The following MDFIC2 variants were observed in gnomAD, a reference collection of about 807,000 sequenced individuals.
The protein encoded by MDFIC2 is myoD family inhibitor domain-containing protein 2.
intron 2 of MDFIC2, among the ~76,000 whole-genome samples, chr3:70,207,073 C>A (rs1448769125): frequency 6.7e-6 from 1 of 148,422 alleles, no homozygotes; most frequent in African/African-American, 2.5e-5. Context: ...GAGAATCAAG[C>A]AATTCATTCA....
At chr3:70,278,413 G>A (rs1702049125) in intron 2 of MDFIC2, among the ~76,000 whole-genome samples, 2 of 152,144 alleles carry the variant, frequency 1.3e-5, no homozygotes, top group Admixed American at 1.3e-4. Flanking sequence ...AAACACTGGG[G>A]AGGAAGCCCA....
At chr3:70,261,556 G>T (rs1701867007) in intron 2 of MDFIC2, among the ~76,000 whole-genome samples, 1 of 152,044 alleles carries the variant, frequency 6.6e-6, no homozygotes. Context: ...ATCATTGCTA[G>T]TTCCAAGGTA....
Position 70,295,758 on chromosome 3 carries a change from G to T in MDFIC2, c.88+16128C>A, listed in dbSNP as rs547946461. ...AATATTTTAAAGTGCTGTATCTTTT[G>T]ATCTGTGATATCTTTTGATTCATGT... On this transcript the variant is annotated intron_variant, in intron 2 of 3. Transcript: ENST00000567252. Among the ~76,000 whole-genome samples the T allele has an allele frequency of 1.2e-3, 190 of 152,220 alleles. 2 individuals carry two copies. Among genetic ancestry groups the T allele is most frequent in the Middle Eastern group, 3.4e-3 (1 of 294 alleles).
At chr3:70,226,383 A>C (rs968666005) in intron 2 of MDFIC2, among the ~76,000 whole-genome samples, 3 of 152,166 alleles carry the variant, frequency 2.0e-5, no homozygotes, top group African/African-American at 7.2e-5. Flanking sequence ...GGAATTTCCT[A>C]TTCTGTTGGG....
At chr3:70,303,737 A>T (rs1702372828) in intron 2 of MDFIC2, among the ~76,000 whole-genome samples, 1 of 152,028 alleles carries the variant, frequency 6.6e-6, no homozygotes, top group Non-Finnish European at 1.5e-5. Flanking sequence ...GCTGAAGTGC[A>T]GTGGTGTGAT....
intron 2 of MDFIC2, among the ~76,000 whole-genome samples, chr3:70,263,642 G>A (rs1701888490): frequency 6.6e-6 from 1 of 152,192 alleles, no homozygotes; most frequent in African/African-American, 2.4e-5. Context: ...TTCAGCAAAA[G>A]ACTCAAGGGA....
chr3:70,312,545 ACTC>A lies in MDFIC2; in HGVS notation c.-1+3_-1+5del, dbSNP rs889916395. 7.2e-5 allele frequency: 11 copies of A among 152,236 alleles called. No individual in the cohort carries two copies. The highest frequency in any genetic ancestry group is 2.7e-4 in the African/African-American group (11 of 41,454). 9.4% of individuals were successfully genotyped at this position (152,236 alleles called of 1,614,324 possible). On this transcript the variant is annotated splice_donor_5th_base_variant and intron_variant, in intron 1 of 3. Transcript: ENST00000567252. ...TCTGCTTGAATCAGCACTGCAAGGTACTCACCTGTGTGTTCCAAAGGGAGGCCC... is the reference window on the plus strand; with the variant it reads ...TCTGCTTGAATCAGCACTGCAAGGTAACCTGTGTGTTCCAAAGGGAGGCCC...
At chr3:70,286,787 T>A (rs989434727) in intron 2 of MDFIC2, among the ~76,000 whole-genome samples, 8 of 152,164 alleles carry the variant, frequency 5.3e-5, no homozygotes, top group Non-Finnish European at 1.2e-4. Context: ...CCCTTATAAG[T>A]TGGATTCCTA....
intron 2 of MDFIC2, among the ~76,000 whole-genome samples, chr3:70,295,791 G>A (rs1702284515): frequency 6.6e-6 from 1 of 152,194 alleles, no homozygotes; most frequent in Admixed American, 6.5e-5. Context: ...TGTTGAATGT[G>A]TTAGGCAAAG....
intron 2 of MDFIC2, among the ~76,000 whole-genome samples, chr3:70,244,626 TG>T (rs1337050039): frequency 6.6e-6 from 1 of 152,202 alleles, no homozygotes; most frequent in Non-Finnish European, 1.5e-5. Flanking sequence ...GACAGCCAGC[TG>T]TAAGTCTCTT....
At position 70,195,109 on chromosome 3, in the gene MDFIC2, G is replaced by T. The variant is rs1352484173; in HGVS notation, c.*1817C>A. Among the ~76,000 whole-genome samples, 1 of 152,172 alleles carries T rather than the reference G, an allele frequency of 6.6e-6. No individual in the cohort carries two copies. Among genetic ancestry groups the T allele is most frequent in the Non-Finnish European group, 1.5e-5 (1 of 68,044 alleles). On this transcript the variant is annotated 3_prime_UTR_variant, in exon 4 of 4. Transcript: ENST00000567252. ...TTCCTGACACTGCCAATAATTCACT[G>T]TGTGGTCTTGAATAAGTCAGTTCAT...
chr3:70,231,166 C>T (rs191027918), intron 2 of MDFIC2, among the ~76,000 whole-genome samples: 14 of 152,308 alleles, frequency 9.2e-5, no homozygotes, highest in Admixed American at 6.5e-4. Context: ...TATTGCCTGA[C>T]AGGCTCCAGT....
At chr3:70,222,683 A>G (rs1000670804) in intron 2 of MDFIC2, among the ~76,000 whole-genome samples, 2 of 152,184 alleles carry the variant, frequency 1.3e-5, no homozygotes, top group Admixed American at 6.5e-5. Context: ...CTAATGGACT[A>G]TTCAAACCTG....
At chr3:70,221,862 G>A (rs889331010) in intron 2 of MDFIC2, among the ~76,000 whole-genome samples, 7 of 152,094 alleles carry the variant, frequency 4.6e-5, no homozygotes, top group East Asian at 1.9e-4. Flanking sequence ...AGGTTTTGTC[G>A]TTACTTTCAA....
At chr3:70,247,024 C>A (rs1238204015) in intron 2 of MDFIC2, among the ~76,000 whole-genome samples, 3 of 151,966 alleles carry the variant, frequency 2.0e-5, no homozygotes, top group Non-Finnish European at 1.5e-5. Flanking sequence ...TATCTGTTTC[C>A]ATGACTACCA....
chr3:70,303,291 A>T (rs1405393047), intron 2 of MDFIC2, among the ~76,000 whole-genome samples: 1 of 152,108 alleles, frequency 6.6e-6, no homozygotes, highest in East Asian at 1.9e-4. Flanking sequence ...TGTGTGTAGC[A>T]TTATGGTGCT....
intron 2 of MDFIC2, among the ~76,000 whole-genome samples, chr3:70,289,138 C>T (rs1282455027): frequency 6.6e-6 from 1 of 151,242 alleles, no homozygotes; most frequent in Non-Finnish European, 1.5e-5. Context: ...TTAGTTGATG[C>T]AGTTTCTTCC....
intron 2 of MDFIC2, among the ~76,000 whole-genome samples, chr3:70,296,833 T>C (rs936284383): frequency 1.3e-5 from 2 of 152,114 alleles, no homozygotes; most frequent in African/African-American, 4.8e-5. Context: ...AGTGGTTTTT[T>C]TAAAAGGCAT....
intron 2 of MDFIC2, chr3:70,291,357 A>G (rs1402992846): frequency 2.0e-5 from 3 of 152,154 alleles, no homozygotes; most frequent in Non-Finnish European, 2.9e-5. Flanking sequence ...AACTCTTTAG[A>G]ACAGTGTTAT....
Sources: allele counts gnomAD v4.1 joint callset (sites outside exome capture counted in the v4.1 genomes callset), GRCh38; gene constraint gnomAD v4.1.1; transcripts MANE v1.5; gene names NCBI Gene and HGNC (gene_info 2026-07-23, HGNC 2026-07-21).